The following EYS variants were observed in gnomAD, a reference collection of about 807,000 sequenced individuals.
The protein encoded by EYS is protein eyes shut homolog.
EYS carries 250 observed loss-of-function variants against 282.1 expected under a neutral mutation model. The observed-to-expected ratio is 0.89, with a 90% CI of 0.80 to 0.98. The LOEUF (loss-of-function observed/expected upper bound fraction) is 0.98. EYS is among the 50% of genes least tolerant of loss of function. The pLI, the probability that EYS is intolerant of heterozygous loss-of-function variation, is 0.00. For synonymous variants in EYS, 1,355 were observed against 1,282.9 expected, an observed-to-expected ratio of 1.06 and a Z score of -1.20; for missense variants, 4,016 against 3,709.0, an observed-to-expected ratio of 1.08 and a Z score of -2.15.
chr6:64,986,281 C>A (rs954742663), intron 14 of EYS, among the ~76,000 whole-genome samples: 3 of 151,374 alleles, frequency 2.0e-5, no homozygotes, highest in African/African-American at 7.3e-5. Flanking sequence ...CTACATCTAT[C>A]TTTTTTCTAT....
intron 13 of EYS, among the ~76,000 whole-genome samples, chr6:65,015,441 T>G (rs1772011229): frequency 6.6e-6 from 1 of 152,170 alleles, no homozygotes; most frequent in Non-Finnish European, 1.5e-5. Context: ...AACATAAACC[T>G]GGTGTGCATT....
chr6:65,613,839 T>C (rs1215022243), intron 2 of EYS, among the ~76,000 whole-genome samples: 4 of 151,958 alleles, frequency 2.6e-5, no homozygotes, highest in Non-Finnish European at 5.9e-5. Flanking sequence ...TTTCCTACTT[T>C]GATAACTTCA....
At chr6:65,501,574 A>G (rs1039526445) in intron 2 of EYS, among the ~76,000 whole-genome samples, 1 of 151,848 alleles carries the variant, frequency 6.6e-6, no homozygotes, top group Non-Finnish European at 1.5e-5. Context: ...AACTGGAGTA[A>G]AGAATGACAC....
intron 33 of EYS, among the ~76,000 whole-genome samples, chr6:64,030,347 A>T (rs1189359519): frequency 6.6e-6 from 1 of 152,230 alleles, no homozygotes; most frequent in African/African-American, 2.4e-5. Context: ...CAGCCAAGGC[A>T]TATTTTTCTT....
At chr6:65,316,261 C>T (rs1769292409) in intron 11 of EYS, among the ~76,000 whole-genome samples, 1 of 152,066 alleles carries the variant, frequency 6.6e-6, no homozygotes. Flanking sequence ...CCAATGTATC[C>T]ATCTTTTCTT....
At chr6:65,327,571 A>G (rs1000574481) in intron 11 of EYS, among the ~76,000 whole-genome samples, 3 of 151,598 alleles carry the variant, frequency 2.0e-5, no homozygotes, top group African/African-American at 7.2e-5. Flanking sequence ...AATATTTTCT[A>G]TTAATAGTGC....
intron 26 of EYS, among the ~76,000 whole-genome samples, chr6:64,569,015 A>C (rs1441027749): frequency 2.3e-5 from 3 of 130,120 alleles, no homozygotes; most frequent in Non-Finnish European, 4.8e-5. Flanking sequence ...CAAATCCACA[A>C]AGATGGAAAA....
intron 22 of EYS, among the ~76,000 whole-genome samples, chr6:64,707,600 C>CGGAG (rs746158248): frequency 1.3e-4 from 20 of 148,234 alleles, no homozygotes; most frequent in Non-Finnish European, 2.8e-4. Flanking sequence ...ACCCGGGAGG[C>CGGAG]CTTGCAGTGA....
intron 26 of EYS, among the ~76,000 whole-genome samples, chr6:64,453,018 T>A (rs1458912985): frequency 3.3e-5 from 5 of 152,120 alleles, no homozygotes; most frequent in Non-Finnish European, 7.3e-5. Context: ...TGGGATCTAA[T>A]TAAACTAAAG....
At chr6:64,727,688 A>G (rs1308371065) in intron 22 of EYS, among the ~76,000 whole-genome samples, 1 of 152,232 alleles carries the variant, frequency 6.6e-6, no homozygotes, top group Non-Finnish European at 1.5e-5. Context: ...CTAATTAATT[A>G]ATCATCTTAG....
intron 31 of EYS, among the ~76,000 whole-genome samples, chr6:64,085,340 G>GCGCACACACACACACA (rs112388321): frequency 0.028 from 3,915 of 139,716 alleles, 69 homozygotes; most frequent in East Asian, 0.076. Flanking sequence ...ACGTGCGCGC[G>GCGCACACACACACACA]CACACACACA....
intron 12 of EYS, among the ~76,000 whole-genome samples, chr6:65,268,728 T>A (rs922378221): frequency 6.6e-6 from 1 of 152,118 alleles, no homozygotes; most frequent in South Asian, 2.1e-4. Context: ...ATCATCGTTT[T>A]ATCTGGAAAG....
At chr6:65,290,835 T>C (rs1281130658) in intron 12 of EYS, among the ~76,000 whole-genome samples, 1 of 151,398 alleles carries the variant, frequency 6.6e-6, no homozygotes, top group Non-Finnish European at 1.5e-5. Context: ...ATTTAATGTG[T>C]TTTAATTAGA....
In EYS at chr6:65,569,558, G is replaced by T. The variant is rs186800071; in HGVS notation, c.-333+70220C>A. ...CACAAGATTCCGAACCTCCTCAGTTGTTCCCAGGGTTAACACCACTCTCCT... is the reference window on the plus strand; with the variant it reads ...CACAAGATTCCGAACCTCCTCAGTTTTTCCCAGGGTTAACACCACTCTCCT... On this transcript the variant is annotated intron_variant, in intron 2 of 42. Coordinates refer to ENST00000503581, the MANE Select transcript of EYS (RefSeq NM_001142800.2). Among the ~76,000 whole-genome samples the T allele has an allele frequency of 9.2e-5, 14 of 152,264 alleles. No homozygotes were observed. In the East Asian group the frequency reaches 2.1e-3, roughly 23 times the overall value.
intron 33 of EYS, among the ~76,000 whole-genome samples, chr6:64,023,695 G>A (rs1344459016): frequency 6.6e-6 from 1 of 152,274 alleles, no homozygotes; most frequent in Non-Finnish European, 1.5e-5. Context: ...GAGGCCTTCA[G>A]CCTGCCGCTG....
rs370607171 is a variant in EYS, at chr6:65,686,467, G to A, written c.-448+20668C>T. On this transcript the variant is annotated intron_variant, in intron 1 of 42. Transcript: ENST00000503581. ...GTAAGGAGGCCTATGTAGTGGAGTC[G>A]ACGCGATTATGTGGTTATGCACGTG... 3.3e-5 allele frequency among the ~76,000 whole-genome samples: 5 copies of A among 152,140 alleles called. No individual in the cohort carries two copies. In the East Asian group the frequency reaches 5.8e-4, roughly 18 times the overall value.
At chr6:65,319,439 TG>T (rs1769411120) in intron 11 of EYS, among the ~76,000 whole-genome samples, 3 of 151,788 alleles carry the variant, frequency 2.0e-5, no homozygotes, top group Admixed American at 2.0e-4. Flanking sequence ...TAGCAAAACA[TG>T]GGTTTTGTTC....
intron 2 of EYS, among the ~76,000 whole-genome samples, chr6:65,626,873 C>T (rs1766713392): frequency 1.4e-5 from 2 of 147,850 alleles, no homozygotes; most frequent in Admixed American, 1.4e-4. Flanking sequence ...GAGCCCCTGG[C>T]TCAATGGAAA....
intron 16 of EYS, among the ~76,000 whole-genome samples, chr6:64,909,908 T>C (rs927195037): frequency 1.6e-4 from 24 of 152,292 alleles, no homozygotes; most frequent in Admixed American, 1.3e-3. Context: ...AATTTGAATG[T>C]CATTTCTAAT....
Sources: allele counts gnomAD v4.1 joint callset (sites outside exome capture counted in the v4.1 genomes callset), GRCh38; gene constraint gnomAD v4.1.1; transcripts MANE v1.5; gene names NCBI Gene and HGNC (gene_info 2026-07-23, HGNC 2026-07-21).